The following SGCD variants were observed in gnomAD, a reference collection of about 807,000 sequenced individuals.
SGCD encodes the protein sarcoglycan delta, also known as delta-sarcoglycan.
SGCD carries 18 observed loss-of-function variants against 36.6 expected under a neutral mutation model. The observed-to-expected ratio is 0.49, with a 90% CI of 0.34 to 0.73. The LOEUF (loss-of-function observed/expected upper bound fraction) is 0.73. Ranked by LOEUF, SGCD falls within the 30% of genes least tolerant of loss-of-function variation. The pLI, the probability that SGCD is intolerant of heterozygous loss-of-function variation, is 0.01. For missense variants in SGCD, 387 were observed against 346.7 expected (o/e 1.12, Z -0.92); for synonymous variants, 133 against 130.6 (o/e 1.02, Z -0.12).
At chr5:155,780,009 A>G in the SGCD span, among the ~76,000 whole-genome samples, 2 of 152,200 alleles carry the variant, frequency 1.3e-5, no homozygotes, top group African/African-American at 4.8e-5. Flanking sequence ...AAGGACACAC[A>G]TTAATTCACT....
At chr5:156,041,144 T>C (rs912976377) in intron 1 of SGCD, among the ~76,000 whole-genome samples, 39 of 152,348 alleles carry the variant, frequency 2.6e-4, no homozygotes, top group Admixed American at 2.2e-3. Flanking sequence ...AGGCACATCA[T>C]ACCCTTTTTC....
chr5:155,933,510 C>A (rs1330045835), intron 1 of SGCD, among the ~76,000 whole-genome samples: 1 of 152,068 alleles, frequency 6.6e-6, no homozygotes, highest in Non-Finnish European at 1.5e-5. Context: ...CAGAGCCTGG[C>A]AAAATATAAA....
At chr5:156,170,778 C>G (rs1053237492) in intron 3 of SGCD, among the ~76,000 whole-genome samples, 1 of 152,200 alleles carries the variant, frequency 6.6e-6, no homozygotes, top group East Asian at 1.9e-4. Context: ...TCCTCTTGCC[C>G]TGGCTAAGTT....
At chr5:156,636,709 C>T (rs1227135688) in intron 6 of SGCD, among the ~76,000 whole-genome samples, 1 of 152,200 alleles carries the variant, frequency 6.6e-6, no homozygotes, top group Non-Finnish European at 1.5e-5. Flanking sequence ...CCCAGCCCCA[C>T]TCAGCAGTCA....
intron 1 of SGCD, among the ~76,000 whole-genome samples, chr5:155,912,772 CT>C (rs1756657853): frequency 6.6e-6 from 1 of 151,980 alleles, no homozygotes; most frequent in African/African-American, 2.4e-5. Context: ...TTCTTTCTTT[CT>C]AATCAGTGTC....
At chr5:156,589,160 A>G (rs761792662) in intron 4 of SGCD, 71 bp from the exon 5 acceptor site, 8 of 1,114,644 alleles carry the variant, frequency 7.2e-6, no homozygotes, top group Non-Finnish European at 1.1e-5. Context: ...CCCCTTGGAG[A>G]GTTGTAATGA....
At chr5:155,875,644 C>CTT (rs1201927632) in intron 1 of SGCD, among the ~76,000 whole-genome samples, 10 of 140,322 alleles carry the variant, frequency 7.1e-5, no homozygotes, top group East Asian at 2.1e-4. Context: ...GATGGCTCCA[C>CTT]TTTTTTTTTT....
chr5:155,769,293 T>C, the SGCD span, among the ~76,000 whole-genome samples: 1 of 151,838 alleles, frequency 6.6e-6, no homozygotes, highest in African/African-American at 2.4e-5. Flanking sequence ...GTATGTGAAG[T>C]GATTGAAAGG....
chr5:155,990,121 A>G (rs1264906628), intron 1 of SGCD, among the ~76,000 whole-genome samples: 1 of 152,122 alleles, frequency 6.6e-6, no homozygotes, highest in Non-Finnish European at 1.5e-5. Context: ...GATGGCTTTG[A>G]CTTGTTTCCA....
the SGCD span, among the ~76,000 whole-genome samples, chr5:155,861,772 T>G: frequency 6.6e-6 from 1 of 152,150 alleles, no homozygotes; most frequent in Non-Finnish European, 1.5e-5. Flanking sequence ...TCTCTATCTG[T>G]GTCTTGGCCT....
chr5:155,746,239 C>T, the SGCD span, among the ~76,000 whole-genome samples: 1 of 152,060 alleles, frequency 6.6e-6, no homozygotes, highest in Admixed American at 6.6e-5. Context: ...GGTATTGTTA[C>T]TGAGAAGTGT....
intron 2 of SGCD, among the ~76,000 whole-genome samples, chr5:156,331,809 TG>T (rs1768079548): frequency 6.6e-6 from 1 of 152,234 alleles, no homozygotes; most frequent in African/African-American, 2.4e-5. Context: ...TCATTGGGGT[TG>T]TGATATTGGC....
intron 3 of SGCD, among the ~76,000 whole-genome samples, chr5:156,193,364 T>C (rs1763940260): frequency 6.6e-6 from 1 of 152,158 alleles, no homozygotes; most frequent in Admixed American, 6.5e-5. Flanking sequence ...AAACTAGACT[T>C]CATTCTTTTG....
intron 3 of SGCD, among the ~76,000 whole-genome samples, chr5:156,249,683 A>T (rs1400573125): frequency 6.6e-6 from 1 of 151,288 alleles, no homozygotes; most frequent in Admixed American, 6.6e-5. Context: ...CTGCAAAGGA[A>T]TTGGGATAAA....
chr5:155,905,085 T>C (rs1756472987), intron 1 of SGCD, among the ~76,000 whole-genome samples: 1 of 152,142 alleles, frequency 6.6e-6, no homozygotes, highest in African/African-American at 2.4e-5. Flanking sequence ...GCCCTCCAAC[T>C]TAAATGTTAG....
At chr5:156,519,818 T>C (rs1334753156) in intron 4 of SGCD, among the ~76,000 whole-genome samples, 1 of 152,182 alleles carries the variant, frequency 6.6e-6, no homozygotes, top group African/African-American at 2.4e-5. Context: ...TCAACATTCC[T>C]TCCCGTTAAA....
At chr5:156,477,203 A>G (rs773954501) in intron 3 of SGCD, among the ~76,000 whole-genome samples, 37 of 152,306 alleles carry the variant, frequency 2.4e-4, no homozygotes, top group African/African-American at 8.7e-4. Context: ...GTAGAATGGT[A>G]CCAACAAAAT....
chr5:155,791,568 A>T, the SGCD span, among the ~76,000 whole-genome samples: 3 of 152,196 alleles, frequency 2.0e-5, no homozygotes, highest in Non-Finnish European at 4.4e-5. Context: ...ACATTTCAGG[A>T]TACAAAATCA....
the SGCD span, among the ~76,000 whole-genome samples, chr5:155,861,487 G>C: frequency 6.6e-6 from 1 of 151,894 alleles, no homozygotes; most frequent in Non-Finnish European, 1.5e-5. Flanking sequence ...CGGATCACAA[G>C]GTCACGGTAC....
Sources: gnomAD v4.1 joint callset for allele counts (sites outside exome capture counted in the v4.1 genomes callset) on GRCh38, gnomAD v4.1.1 for gene constraint, MANE v1.5 for transcripts, NCBI Gene and HGNC (gene_info 2026-07-23, HGNC 2026-07-21) for gene names.